The following DNAAF11 variants were observed in gnomAD, a reference collection of about 807,000 sequenced individuals.
DNAAF11 encodes the protein dynein axonemal assembly factor 11.
A neutral mutation model predicts 60.8 loss-of-function variants in DNAAF11; 45 were observed. The ratio of observed to expected loss-of-function variants is 0.74; its 90% CI spans 0.58 to 0.95. The LOEUF (loss-of-function observed/expected upper bound fraction) is 0.95, where lower values mean the gene tolerates loss of function less well. Ranked by LOEUF, DNAAF11 falls within the 40% of genes least tolerant of loss-of-function variation. DNAAF11 has a pLI of 0.00. For missense variants in DNAAF11, 546 were observed against 546.2 expected (o/e 1.00, Z 0.00); for synonymous variants, 191 against 183.5 (o/e 1.04, Z -0.33).
At chr8:132,596,887 G>A (rs1292802619) in intron 10 of DNAAF11, among the ~76,000 whole-genome samples, 1 of 152,242 alleles carries the variant, frequency 6.6e-6, no homozygotes, top group Non-Finnish European at 1.5e-5. Flanking sequence ...ACTAGGGACA[G>A]CTGTGCAGGG....
Position 132,650,773 on chromosome 8 carries a change from G to A in DNAAF11, c.256+6057C>T, listed in dbSNP as rs113010994. On this transcript the variant is annotated intron_variant, in intron 3 of 11. Transcript: ENST00000620350. Reference sequence around the variant, plus strand: ...GTGGCATTTCTTAAGTTTAATTTAGGAGGCTCCGGAAGACATTTTAATTAC... The same window carrying A: ...GTGGCATTTCTTAAGTTTAATTTAGAAGGCTCCGGAAGACATTTTAATTAC... Among the ~76,000 whole-genome samples, 557 of 152,076 alleles carry A rather than the reference G, an allele frequency of 3.7e-3. 3 individuals are homozygous for A. Among genetic ancestry groups the A allele is most frequent in the African/African-American group, 0.013 (524 of 41,402 alleles).
In DNAAF11 at chr8:132,632,484, C is replaced by T. The variant is rs79305117; in HGVS notation, c.653+256G>A. ...ATTCATCTTTTCTGTACACATTTTA[C>T]GGATTTCTCTGAGAATAATTTTAGA... is the stretch of plus-strand genomic sequence containing the variant. On this transcript the variant is annotated intron_variant, in intron 5 of 11. Transcript: ENST00000620350. Among the ~76,000 whole-genome samples, 639 of 152,244 alleles carry T rather than the reference C, an allele frequency of 4.2e-3. 10 individuals are homozygous for T. Among genetic ancestry groups the T allele is most frequent in the African/African-American group, 0.014 (592 of 41,568 alleles).
At chr8:132,690,085 T>C in the DNAAF11 span, among the ~76,000 whole-genome samples, 2 of 152,240 alleles carry the variant, frequency 1.3e-5, no homozygotes, top group African/African-American at 4.8e-5. Flanking sequence ...AATTAAATTT[T>C]AATTTTTAGA....
intron 11 of DNAAF11, among the ~76,000 whole-genome samples, chr8:132,577,465 T>C (rs770222118): frequency 2.0e-5 from 3 of 152,168 alleles, no homozygotes; most frequent in African/African-American, 7.2e-5. Flanking sequence ...CATACAGAAA[T>C]ATAGGGAAAA....
intron 7 of DNAAF11, among the ~76,000 whole-genome samples, chr8:132,616,065 C>T (rs1048371448): frequency 2.0e-5 from 3 of 152,036 alleles, no homozygotes; most frequent in African/African-American, 7.2e-5. Flanking sequence ...TCCTGCTCTG[C>T]CTCGATTGCT....
At chr8:132,598,861 G>T (rs1817295590) in intron 10 of DNAAF11, among the ~76,000 whole-genome samples, 1 of 152,172 alleles carries the variant, frequency 6.6e-6, no homozygotes, top group Non-Finnish European at 1.5e-5. Flanking sequence ...ACAATTAAAA[G>T]AACTAGAGAA....
intron 10 of DNAAF11, among the ~76,000 whole-genome samples, chr8:132,604,620 A>T (rs533992011): frequency 2.0e-5 from 3 of 152,160 alleles, no homozygotes; most frequent in Admixed American, 6.6e-5. Context: ...TTTAAGTTGG[A>T]CTGTGGTAAA....
chr8:132,610,068 T>G, intron 10 of DNAAF11, 98 bp downstream of exon 10: 2 of 780,604 alleles, frequency 2.6e-6, no homozygotes, highest in East Asian at 5.2e-5. Flanking sequence ...CCAACTAAAA[T>G]GTACTTTAAT....
At chr8:132,627,812 C>T (rs1820424360) in intron 5 of DNAAF11, among the ~76,000 whole-genome samples, 1 of 152,152 alleles carries the variant, frequency 6.6e-6, no homozygotes, top group African/African-American at 2.4e-5. Flanking sequence ...AGAATGTGAA[C>T]ATGCTTATAT....
chr8:132,632,393 TATA>T (rs1269912555), intron 5 of DNAAF11, among the ~76,000 whole-genome samples: 2 of 152,240 alleles, frequency 1.3e-5, no homozygotes, highest in Non-Finnish European at 1.5e-5. Context: ...TTATTCAAAT[TATA>T]ATGTGATTTG....
intron 10 of DNAAF11, among the ~76,000 whole-genome samples, chr8:132,600,547 A>G (rs1004111778): frequency 1.3e-5 from 2 of 152,246 alleles, no homozygotes; most frequent in African/African-American, 2.4e-5. Flanking sequence ...TAGTAACCAA[A>G]ACAGCATGGT....
At chr8:132,612,956 A>C (rs1021711605) in intron 8 of DNAAF11, among the ~76,000 whole-genome samples, 1 of 152,204 alleles carries the variant, frequency 6.6e-6, no homozygotes, top group Non-Finnish European at 1.5e-5. Flanking sequence ...CAGCCAACAG[A>C]GCTGAAAAAG....
chr8:132,598,762 C>T (rs2129641139), intron 10 of DNAAF11, among the ~76,000 whole-genome samples: 1 of 152,268 alleles, frequency 6.6e-6, no homozygotes, highest in South Asian at 2.1e-4. Context: ...ATCTGTGGGA[C>T]ACATTTAAAG....
intron 1 of DNAAF11, among the ~76,000 whole-genome samples, chr8:132,665,486 TA>T (rs34313470): frequency 8.9e-5 from 13 of 146,286 alleles, no homozygotes; most frequent in South Asian, 2.2e-4. Context: ...CAGCAAACTT[TA>T]AAAAAAAAAG....
rs552135154 is a variant in DNAAF11, at chr8:132,598,876, G to C, written c.1140+11290C>G. 1.9e-3 allele frequency among the ~76,000 whole-genome samples: 288 copies of C among 152,238 alleles called. 2 individuals are homozygous for C. The highest frequency in any genetic ancestry group is 6.6e-3 in the African/African-American group (273 of 41,540). ...ACAATTAAAAGAACTAGAGAAGCAAGAGCAAATGCATTCAAAAGCTAGCAG... is the reference window on the plus strand; with the variant it reads ...ACAATTAAAAGAACTAGAGAAGCAACAGCAAATGCATTCAAAAGCTAGCAG... On this transcript the variant is annotated intron_variant, in intron 10 of 11. Transcript: ENST00000620350.
intron 1 of DNAAF11, 59 bp downstream of exon 1, chr8:132,675,425 G>C: frequency 1.3e-6 from 2 of 1,532,448 alleles, no homozygotes; most frequent in Admixed American, 1.9e-5. Flanking sequence ...GATCCCACGA[G>C]ACCCGGGACT....
intron 8 of DNAAF11, among the ~76,000 whole-genome samples, chr8:132,613,865 A>G (rs895860224): frequency 2.0e-5 from 3 of 152,202 alleles, no homozygotes; most frequent in Admixed American, 6.5e-5. Context: ...GGGGCACATC[A>G]AAAGCCATTA....
chr8:132,675,462 C>A, intron 1 of DNAAF11, 22 bp downstream of exon 1: 1 of 1,560,174 alleles, frequency 6.4e-7, no homozygotes, highest in Non-Finnish European at 8.7e-7. Context: ...CGATCGAGGA[C>A]GGAAGGTGGA....
At position 132,624,017 on chromosome 8, in the gene DNAAF11, A is replaced by G. The variant is rs118016905; in HGVS notation, c.836+1255T>C. Among the ~76,000 whole-genome samples the G allele has an allele frequency of 7.1e-3, 1,074 of 152,270 alleles. 3 individuals are homozygous for G. Among genetic ancestry groups the G allele is most frequent in the Middle Eastern group, 0.037 (11 of 294 alleles). On this transcript the variant is annotated intron_variant, in intron 6 of 11. Transcript: ENST00000620350. ...TCAGATCTCCATCCAATTCAGCCTT[A>G]CTTTATTAGGTAACAGGGAGTAAAA... is the stretch of plus-strand genomic sequence containing the variant.
Sources: allele counts gnomAD v4.1 joint callset (sites outside exome capture counted in the v4.1 genomes callset), GRCh38; gene constraint gnomAD v4.1.1; transcripts MANE v1.5; gene names NCBI Gene and HGNC (gene_info 2026-07-23, HGNC 2026-07-21).